The following ABCB4 variants were observed in gnomAD, a reference collection of about 807,000 sequenced individuals.
The protein encoded by ABCB4 is ATP binding cassette subfamily B member 4, also known as phosphatidylcholine translocator ABCB4.
Under a neutral mutation model 145.7 loss-of-function variants are expected in ABCB4, and 76 were observed. The observed-to-expected ratio is 0.52, with a 90% CI of 0.43 to 0.63. The LOEUF (loss-of-function observed/expected upper bound fraction) is 0.63. Ranked by LOEUF, ABCB4 falls within the 30% of genes least tolerant of loss-of-function variation. The probability of loss-of-function intolerance (pLI) is 0.00; values close to 1 mark genes in which losing one functional copy is unlikely to be tolerated. For missense variants in ABCB4, 1,234 were observed against 1,553.1 expected (o/e 0.79, Z 3.45); for synonymous variants, 517 against 566.8 (o/e 0.91, Z 1.25).
At chr7:87,458,354 AT>A (rs1244126752) in intron 4 of ABCB4, among the ~76,000 whole-genome samples, 1 of 152,196 alleles carries the variant, frequency 6.6e-6, no homozygotes, top group African/African-American at 2.4e-5. Context: ...GAGTGGCTTT[AT>A]TCTGTTGACA....
the ABCB4 span, among the ~76,000 whole-genome samples, chr7:87,396,231 C>A: frequency 2.0e-5 from 3 of 152,036 alleles, no homozygotes; most frequent in East Asian, 5.8e-4. Context: ...GAGTTTGAGA[C>A]CATCCTGAGC....
the ABCB4 span, among the ~76,000 whole-genome samples, chr7:87,396,295 G>A: frequency 3.9e-5 from 6 of 152,062 alleles, no homozygotes; most frequent in African/African-American, 1.4e-4. Flanking sequence ...CGCACTAATA[G>A]TCACCACACC....
At chr7:87,404,015 G>A (rs1807997345) in intron 26 of ABCB4, among the ~76,000 whole-genome samples, 2 of 152,292 alleles carry the variant, frequency 1.3e-5, no homozygotes, top group South Asian at 4.1e-4. Flanking sequence ...CAGGGCTTAT[G>A]CAGTGATGTA....
At chr7:87,433,936 CTT>C (rs113879800) in intron 14 of ABCB4, among the ~76,000 whole-genome samples, 2 of 141,684 alleles carry the variant, frequency 1.4e-5, no homozygotes, top group Admixed American at 7.1e-5. Context: ...CGTTTTCATT[CTT>C]TTTTTTTTTT....
In ABCB4 at chr7:87,435,796, A is replaced by C. The variant is rs747059496; in HGVS notation, c.1731+3871T>G. ...ACAACTGATACAGAAATTAGTAATT[A>C]GATTGGTATGCTGCTGTAACCAAAA... On this transcript the variant is annotated intron_variant, in intron 14 of 27. Coordinates refer to ENST00000649586, the MANE Select transcript of ABCB4 (RefSeq NM_000443.4). Among the ~76,000 whole-genome samples, 3 of 152,238 alleles carry C rather than the reference A, an allele frequency of 2.0e-5. No individual in the cohort carries two copies. The South Asian group carries it at 6.2e-4, about 31-fold the overall frequency.
At chr7:87,448,701 T>A (rs1811510075) in intron 8 of ABCB4, 1 of 152,234 alleles carries the variant, frequency 6.6e-6, no homozygotes, top group African/African-American at 2.4e-5. Flanking sequence ...GTGTGGTCTG[T>A]GTGGACTATT....
chr7:87,393,642 T>C, the ABCB4 span, among the ~76,000 whole-genome samples: 1 of 152,152 alleles, frequency 6.6e-6, no homozygotes, highest in Non-Finnish European at 1.5e-5. Context: ...TTATCTACAG[T>C]CTGGCAGTCT....
At chr7:87,403,042 C>G (rs1807916357) in intron 27 of ABCB4, 93 bp downstream of exon 27, 1 of 1,341,840 alleles carries the variant, frequency 7.5e-7, no homozygotes, top group African/African-American at 1.4e-5. Flanking sequence ...GTGTTTTTCC[C>G]CCTGTGCTTG....
At chr7:87,452,688 A>G in intron 6 of ABCB4, 1 of 535,992 alleles carries the variant, frequency 1.9e-6, no homozygotes, top group East Asian at 3.3e-5. Context: ...GTCCTGCAGT[A>G]GAAAGTTCCA....
chr7:87,467,880 G>A (rs1465815450), intron 3 of ABCB4, among the ~76,000 whole-genome samples: 1 of 152,130 alleles, frequency 6.6e-6, no homozygotes, highest in Non-Finnish European at 1.5e-5. Flanking sequence ...AGAATCTCTG[G>A]GACACATTTA....
intron 3 of ABCB4, among the ~76,000 whole-genome samples, chr7:87,464,298 C>T (rs1812701431): frequency 6.6e-6 from 1 of 152,186 alleles, no homozygotes. Flanking sequence ...TCATCAAACA[C>T]ACAGGGCAAG....
intron 4 of ABCB4, among the ~76,000 whole-genome samples, chr7:87,461,938 C>A (rs1226733030): frequency 6.6e-6 from 1 of 152,146 alleles, no homozygotes; most frequent in African/African-American, 2.4e-5. Context: ...GCTGCCTTTC[C>A]TTTACCAGTG....
chr7:87,369,927 G>T, the ABCB4 span, among the ~76,000 whole-genome samples: 7 of 142,386 alleles, frequency 4.9e-5, no homozygotes, highest in Admixed American at 2.8e-4. Flanking sequence ...ATGTATAGGG[G>T]ATTATATAAT....
At chr7:87,475,550 C>T (rs571354175) in intron 1 of ABCB4, 79 bp from the exon 2 acceptor site, 1 of 1,444,932 alleles carries the variant, frequency 6.9e-7, no homozygotes, top group Admixed American at 1.8e-5. Flanking sequence ...CCCGGGGGCA[C>T]TGGGTGGAGG....
chr7:87,457,137 C>T (rs188399930), intron 4 of ABCB4, among the ~76,000 whole-genome samples: 30 of 152,238 alleles, frequency 2.0e-4, no homozygotes, highest in Admixed American at 7.9e-4. Flanking sequence ...AAGTGCCCCC[C>T]GCCAGGCCCG....
At chr7:87,460,582 C>T (rs45502492) in intron 4 of ABCB4, among the ~76,000 whole-genome samples, 28,303 of 151,916 alleles carry the variant, frequency 0.19, 2,987 homozygotes, top group African/African-American at 0.29. Flanking sequence ...AGGATAATTG[C>T]CTCCAGCTGT....
intron 25 of ABCB4, among the ~76,000 whole-genome samples, chr7:87,407,333 CAGA>C (rs2116354335): frequency 6.6e-6 from 1 of 152,298 alleles, no homozygotes; most frequent in East Asian, 1.9e-4. Context: ...AATAGCAAAG[CAGA>C]AGATTTCCAG....
chr7:87,375,942 G>A, the ABCB4 span: 1 of 1,601,190 alleles, frequency 6.2e-7, no homozygotes, highest in Non-Finnish European at 8.5e-7. Context: ...AACACCAGAG[G>A]ATTATTCTGA....
At chr7:87,376,608 G>A in the ABCB4 span, among the ~76,000 whole-genome samples, 9 of 151,196 alleles carry the variant, frequency 6.0e-5, no homozygotes, top group Non-Finnish European at 8.8e-5. Context: ...ATCAAGGATT[G>A]GAAAACCTTG....
Sources: allele counts gnomAD v4.1 joint callset (sites outside exome capture counted in the v4.1 genomes callset), GRCh38; gene constraint gnomAD v4.1.1; transcripts MANE v1.5; gene names NCBI Gene and HGNC (gene_info 2026-07-23, HGNC 2026-07-21).